The following SLC1A3 variants were observed in gnomAD, a reference collection of about 807,000 sequenced individuals.
SLC1A3 encodes the protein excitatory amino acid transporter 1.
In SLC1A3, 21 loss-of-function variants were observed where a neutral mutation model predicts 48.1. The observed-to-expected ratio is 0.44, with a 90% CI of 0.31 to 0.63. The LOEUF (loss-of-function observed/expected upper bound fraction) is 0.63, where lower values mean the gene tolerates loss of function less well. Ranked by LOEUF, SLC1A3 falls within the 20% of genes least tolerant of loss-of-function variation. The pLI, the probability that SLC1A3 is intolerant of heterozygous loss-of-function variation, is 0.08. For missense variants in SLC1A3, 546 were observed against 689.0 expected (o/e 0.79, Z 2.32); for synonymous variants, 239 against 251.4 (o/e 0.95, Z 0.47).
Position 36,688,143 on chromosome 5 carries a change from C to A in SLC1A3, c.*1874C>A, listed in dbSNP as rs1167906224. ...GACACTAGTAGAGCAAAGACTTAAT[C>A]ATATCAACTTAATTCTGTTACACAA... On this transcript the variant is annotated 3_prime_UTR_variant, in exon 10 of 10. Coordinates refer to ENST00000265113, the MANE Select transcript of SLC1A3 (RefSeq NM_004172.5). 6.6e-6 allele frequency: 1 copy of A among 152,150 alleles called. No homozygotes were observed. Among genetic ancestry groups the A allele is most frequent in the South Asian group, 2.1e-4 (1 of 4,830 alleles). The allele number at this position is 152,150 out of a possible 1,614,324, so 9.4% of individuals were successfully genotyped here.
intron 3 of SLC1A3, among the ~76,000 whole-genome samples, chr5:36,640,287 C>G (rs1740562134): frequency 6.6e-6 from 1 of 152,118 alleles, no homozygotes; most frequent in African/African-American, 2.4e-5. Context: ...TTCATTTTAC[C>G]AGGCAAGATA....
chr5:36,683,056 C>T (rs972828970), intron 8 of SLC1A3, among the ~76,000 whole-genome samples: 12 of 152,174 alleles, frequency 7.9e-5, no homozygotes, highest in Non-Finnish European at 1.5e-4. Context: ...AATCATTTTG[C>T]TTTTGAATTA....
At chr5:36,615,593 GC>G (rs778616484) in intron 2 of SLC1A3, among the ~76,000 whole-genome samples, 8 of 152,164 alleles carry the variant, frequency 5.3e-5, no homozygotes, top group Non-Finnish European at 1.2e-4. Context: ...CTTTGCAGAA[GC>G]CCCTTCTGCC....
chr5:36,663,532 C>T (rs1360195636), intron 3 of SLC1A3, among the ~76,000 whole-genome samples: 1 of 151,960 alleles, frequency 6.6e-6, no homozygotes, highest in Non-Finnish European at 1.5e-5. Context: ...TGAGCCACCG[C>T]GCCCGGCCCT....
At chr5:36,602,023 A>G (rs1174189503), upstream of SLC1A3, among the ~76,000 whole-genome samples, 1 of 152,140 alleles carries the variant, frequency 6.6e-6, no homozygotes, top group East Asian at 1.9e-4. Context: ...TGCAGCACAA[A>G]GTGGTAATGA....
At chr5:36,625,781 C>A (rs553773303) in intron 2 of SLC1A3, among the ~76,000 whole-genome samples, 3 of 152,222 alleles carry the variant, frequency 2.0e-5, no homozygotes, top group Admixed American at 6.5e-5. Context: ...AAGAGATGTC[C>A]TACTTTAGAG....
At chr5:36,654,097 C>T (rs1340139799) in intron 3 of SLC1A3, among the ~76,000 whole-genome samples, 1 of 152,220 alleles carries the variant, frequency 6.6e-6, no homozygotes, top group Non-Finnish European at 1.5e-5. Context: ...CCTCCTCAGC[C>T]TCCAAAAGTG....
chr5:36,683,683 G>A (rs1742527593), intron 8 of SLC1A3, among the ~76,000 whole-genome samples, 181 bp from the exon 9 acceptor site: 2 of 148,720 alleles, frequency 1.3e-5, no homozygotes, highest in African/African-American at 2.5e-5. Flanking sequence ...ACTCCAGCCT[G>A]GGCAACAGAG....
chr5:36,629,628 T>C lies in SLC1A3; in HGVS notation c.319+41T>C, dbSNP rs375834690. ...GTTGGTTTGTTTGGTTTTTTTTAAG[T>C]GTGTTTATTGCAAAAGATTGCTTAG... is the stretch of plus-strand genomic sequence containing the variant. On this transcript the variant is annotated intron_variant, in intron 3 of 9. Transcript: ENST00000265113. 212 of 1,566,910 alleles carry C rather than the reference T, an allele frequency of 1.4e-4. No homozygotes were observed. The African/African-American group carries it at 2.1e-3, about 15-fold the overall frequency.
At chr5:36,631,873 T>C (rs1388712434) in intron 3 of SLC1A3, among the ~76,000 whole-genome samples, 1 of 152,224 alleles carries the variant, frequency 6.6e-6, no homozygotes. Context: ...TTCTACAAAT[T>C]ACACAGACCC....
intron 8 of SLC1A3, among the ~76,000 whole-genome samples, 181 bp from the exon 9 acceptor site, chr5:36,683,683 G>C (rs1742527593): frequency 6.7e-6 from 1 of 148,720 alleles, no homozygotes; most frequent in African/African-American, 2.5e-5. Context: ...ACTCCAGCCT[G>C]GGCAACAGAG....
intron 2 of SLC1A3, among the ~76,000 whole-genome samples, chr5:36,610,540 A>G (rs1468655861): frequency 1.3e-5 from 2 of 152,266 alleles, no homozygotes; most frequent in East Asian, 1.9e-4. Context: ...AAATGTTTCC[A>G]TTCAAGAATA....
intron 3 of SLC1A3, among the ~76,000 whole-genome samples, chr5:36,634,320 G>A (rs1369702508): frequency 7.9e-6 from 1 of 126,448 alleles, no homozygotes; most frequent in African/African-American, 3.8e-5. Flanking sequence ...AAATAGAGGG[G>A]ATTAGCAAAT....
Position 36,616,093 on chromosome 5 carries a change from G to A in SLC1A3, c.181+7489G>A, listed in dbSNP as rs1739420057. 2.0e-5 allele frequency among the ~76,000 whole-genome samples: 3 copies of A among 152,202 alleles called. No individual in the cohort carries two copies. In the South Asian group the frequency reaches 6.2e-4, roughly 31 times the overall value. On this transcript the variant is annotated intron_variant, in intron 2 of 9. Transcript: ENST00000265113. ...TGCCTGTAATCCCAGCTACTCGGGA[G>A]GCTGAGGCAGAGAATTGCTTGAACC... is the stretch of plus-strand genomic sequence containing the variant.
chr5:36,613,119 T>C, intron 2 of SLC1A3: 2 of 262,622 alleles, frequency 7.6e-6, no homozygotes, highest in South Asian at 7.5e-5. Flanking sequence ...TTTGGACCTG[T>C]TGAGTTTGTG....
chr5:36,676,318 TA>T (rs1470207584), intron 5 of SLC1A3, among the ~76,000 whole-genome samples: 1 of 152,186 alleles, frequency 6.6e-6, no homozygotes, highest in Non-Finnish European at 1.5e-5. Context: ...TACAATACTT[TA>T]AAATTTGCAA....
chr5:36,665,121 G>T (rs569655058), intron 3 of SLC1A3, among the ~76,000 whole-genome samples: 76 of 152,004 alleles, frequency 5.0e-4, no homozygotes, highest in African/African-American at 1.8e-3. Context: ...TTAATTGGGG[G>T]AAGATCAACC....
intron 3 of SLC1A3, among the ~76,000 whole-genome samples, chr5:36,660,945 C>T (rs1741486042): frequency 6.6e-6 from 1 of 152,100 alleles, no homozygotes; most frequent in African/African-American, 2.4e-5. Flanking sequence ...TTCTCTTTCT[C>T]CTCTTGTCAT....
At chr5:36,603,176 C>G (rs1394563633), upstream of SLC1A3, among the ~76,000 whole-genome samples, 1 of 152,240 alleles carries the variant, frequency 6.6e-6, no homozygotes, top group Non-Finnish European at 1.5e-5. Context: ...GGCCTGTTCT[C>G]CAGCAGGAAC....
Sources: allele counts gnomAD v4.1 joint callset (sites outside exome capture counted in the v4.1 genomes callset), GRCh38; gene constraint gnomAD v4.1.1; transcripts MANE v1.5; gene names NCBI Gene and HGNC (gene_info 2026-07-23, HGNC 2026-07-21).